ADAM12: variants seen among roughly 807,000 people sequenced by gnomAD.
The protein encoded by ADAM12 is disintegrin and metalloproteinase domain-containing protein 12.
Under a neutral mutation model 106.4 loss-of-function variants are expected in ADAM12, and 70 were observed. The observed-to-expected ratio is 0.66, with a 90% CI of 0.54 to 0.80. The LOEUF (loss-of-function observed/expected upper bound fraction) is 0.80, where lower values mean the gene tolerates loss of function less well. Among genes scored for constraint, ADAM12 ranks in the 30% least tolerant of loss-of-function variants. The pLI, the probability that ADAM12 is intolerant of heterozygous loss-of-function variation, is 0.00. For synonymous variants in ADAM12, 420 were observed against 433.5 expected (o/e 0.97, Z 0.39); for missense variants, 1,010 against 1,171.9 (o/e 0.86, Z 2.02).
chr10:126,191,303 C>G (rs989830517), intron 3 of ADAM12, among the ~76,000 whole-genome samples: 1 of 151,826 alleles, frequency 6.6e-6, no homozygotes, highest in East Asian at 1.9e-4. Context: ...CTATGAGGAG[C>G]CTTTATGGGG....
chr10:126,307,795 G>A (rs1490347541), intron 2 of ADAM12, among the ~76,000 whole-genome samples: 1 of 152,192 alleles, frequency 6.6e-6, no homozygotes. Context: ...GTTTCGCCAT[G>A]TTAGCCAGGC....
intron 3 of ADAM12, among the ~76,000 whole-genome samples, chr10:126,253,575 C>T (rs1197588082): frequency 6.6e-6 from 1 of 152,238 alleles, no homozygotes; most frequent in Admixed American, 6.5e-5. Context: ...TAGAACAAGA[C>T]ATCTGCTTCT....
chr10:126,049,319 C>A lies in ADAM12; in HGVS notation c.1851G>T (p.Val617=). Residue 617 remains valine, a synonymous_variant, in exon 16 of 23, where the codon GTG becomes GTT. Coordinates refer to ENST00000448723, the MANE Select transcript of ADAM12 (RefSeq NM_001288973.2). The surrounding 1 kb of genome is among the most constrained non-coding windows in gnomAD (Gnocchi z 4.4). ...GGTCCGGCATGTCATCGCCCAAGTACACGTGGGTCCCCCGGCACAGAATCC... is the reference window on the plus strand; with the variant it reads ...GGTCCGGCATGTCATCGCCCAAGTAAACGTGGGTCCCCCGGCACAGAATCC... ...GGRILCRGTH[V]YLGDDMPDPG... is the part of the protein sequence containing the mutation. The A allele has an allele frequency of 1.9e-6, 3 of 1,614,228 alleles. No individual in the cohort carries two copies. The highest frequency in any genetic ancestry group is 2.5e-6 in the Non-Finnish European group (3 of 1,180,050).
intron 18 of ADAM12, chr10:126,041,599 A>AGAT: frequency 1.0e-6 from 1 of 986,280 alleles, no homozygotes; most frequent in African/African-American, 1.7e-5. Flanking sequence ...GCTTGGATGG[A>AGAT]GATGGAATGG....
chr10:126,225,448 G>A (rs1958175324), intron 3 of ADAM12, among the ~76,000 whole-genome samples: 1 of 152,200 alleles, frequency 6.6e-6, no homozygotes, highest in Non-Finnish European at 1.5e-5. Context: ...GGATCGCACG[G>A]CAATTAGTGT....
intron 11 of ADAM12, 22 bp downstream of exon 11, chr10:126,093,962 CA>C (rs1401660335): frequency 6.2e-7 from 1 of 1,613,350 alleles, no homozygotes; most frequent in Admixed American, 1.7e-5. Flanking sequence ...ACTGTCAAAG[CA>C]GATGGAAGCA....
At chr10:126,124,685 G>C (rs1956170391) in intron 5 of ADAM12, among the ~76,000 whole-genome samples, 1 of 151,942 alleles carries the variant, frequency 6.6e-6, no homozygotes, top group African/African-American at 2.4e-5. Flanking sequence ...TTGAGGTCAG[G>C]AGTTCCAGTC....
intron 3 of ADAM12, among the ~76,000 whole-genome samples, chr10:126,162,279 G>A (rs992036412): frequency 2.6e-5 from 4 of 152,114 alleles, no homozygotes; most frequent in South Asian, 2.1e-4. Context: ...CTGCGCTGGT[G>A]GGGAAAAGGT....
chr10:126,360,292 T>C (rs979250658), intron 1 of ADAM12, among the ~76,000 whole-genome samples: 11 of 152,244 alleles, frequency 7.2e-5, no homozygotes, highest in African/African-American at 2.7e-4. Context: ...TGCAAATTTA[T>C]GCAGCTGGCT....
At chr10:126,385,588 T>A (rs1856634399) in intron 1 of ADAM12, among the ~76,000 whole-genome samples, 1 of 151,918 alleles carries the variant, frequency 6.6e-6, no homozygotes, top group Non-Finnish European at 1.5e-5. Context: ...ACAAGAGGGA[T>A]GAAATGCCAT....
At chr10:126,034,835 A>G (rs1954030429) in intron 21 of ADAM12, among the ~76,000 whole-genome samples, 1 of 152,182 alleles carries the variant, frequency 6.6e-6, no homozygotes, top group Non-Finnish European at 1.5e-5. Flanking sequence ...ATACTAATCA[A>G]AATAAAACTG....
chr10:126,194,278 CAAAAAA>C (rs35778124), intron 3 of ADAM12, among the ~76,000 whole-genome samples: 1 of 58,074 alleles, frequency 1.7e-5, no homozygotes, highest in Non-Finnish European at 3.9e-5. Flanking sequence ...TTCATATGCT[CAAAAAA>C]AAAAAAAAAA....
intron 8 of ADAM12, among the ~76,000 whole-genome samples, chr10:126,102,955 G>C (rs1017316290): frequency 4.6e-5 from 7 of 152,198 alleles, no homozygotes; most frequent in African/African-American, 1.7e-4. Context: ...CAATGCTGAT[G>C]CTCACACCAG....
chr10:126,090,135 C>G (rs777915641), intron 11 of ADAM12, among the ~76,000 whole-genome samples: 6 of 151,962 alleles, frequency 3.9e-5, no homozygotes, highest in Non-Finnish European at 8.8e-5. Context: ...CTTTTCACCA[C>G]TAGAACACCA....
chr10:126,252,883 C>T (rs953228189), intron 3 of ADAM12, among the ~76,000 whole-genome samples: 2 of 152,098 alleles, frequency 1.3e-5, no homozygotes, highest in African/African-American at 4.8e-5. Flanking sequence ...AGAGCTGATG[C>T]CTTAGCCCTG....
At chr10:126,375,251 T>TAA (rs796088323) in intron 1 of ADAM12, among the ~76,000 whole-genome samples, 2 of 137,036 alleles carry the variant, frequency 1.5e-5, no homozygotes, top group African/African-American at 2.6e-5. Context: ...AAGCCATGGT[T>TAA]AAAAAAAAAA....
chr10:126,043,188 T>TG lies in ADAM12; in HGVS notation c.1996-41dup. The TG allele has an allele frequency of 6.3e-7, 1 of 1,585,904 alleles. No homozygotes were observed. Among genetic ancestry groups the TG allele is most frequent in the Non-Finnish European group, 8.6e-7 (1 of 1,157,880 alleles). ...GGGAGGGACGTGGGGTTAGGGCATA[T>TG]GCTCTGTGCATCACCACAGCAGAAG... On this transcript the variant is annotated intron_variant, in intron 17 of 22. Transcript: ENST00000448723. The surrounding 1 kb of genome is among the most constrained non-coding windows in gnomAD (Gnocchi z 4.1).
intron 1 of ADAM12, among the ~76,000 whole-genome samples, chr10:126,334,878 C>T (rs983578553): frequency 1.3e-5 from 2 of 152,128 alleles, no homozygotes; most frequent in Non-Finnish European, 2.9e-5. Context: ...ATCTTGGAGC[C>T]ATAAGACCTG....
chr10:126,153,312 C>T (rs1329357397), intron 4 of ADAM12, among the ~76,000 whole-genome samples: 1 of 152,118 alleles, frequency 6.6e-6, no homozygotes, highest in Non-Finnish European at 1.5e-5. Flanking sequence ...CTCTCTTTTG[C>T]CTCAAGTGGT....
Sources: gnomAD v4.1 joint callset for allele counts (sites outside exome capture counted in the v4.1 genomes callset) on GRCh38, gnomAD v4.1.1 for gene constraint, Gnocchi (gnomAD v3.1) non-coding constraint, MANE v1.5 for transcripts, NCBI Gene and HGNC (gene_info 2026-07-23, HGNC 2026-07-21) for gene names.